The following CELF3 variants were observed in gnomAD, a reference collection of about 807,000 sequenced individuals.
The protein encoded by CELF3 is CAG repeat domain.
Under a neutral mutation model 59.6 loss-of-function variants are expected in CELF3, and 26 were observed. That is an observed-to-expected ratio of 0.44 (90% CI 0.32 to 0.61). The LOEUF (loss-of-function observed/expected upper bound fraction) is 0.61, where lower values mean the gene tolerates loss of function less well. Ranked by LOEUF, CELF3 falls within the 20% of genes least tolerant of loss-of-function variation. The pLI, the probability that CELF3 is intolerant of heterozygous loss-of-function variation, is 0.06. For synonymous variants in CELF3, 245 were observed against 250.7 expected (o/e 0.98, Z 0.22); for missense variants, 387 against 627.2 (o/e 0.62, Z 4.09).
At position 151,700,951 on chromosome 1, in the gene CELF3, T is replaced by C. The variant is rs1268286316; in HGVS notation, c.*2508A>G. The C allele has an allele frequency of 6.6e-6, 1 of 152,210 alleles. No individual in the cohort carries two copies. Among genetic ancestry groups the C allele is most frequent in the Non-Finnish European group, 1.5e-5 (1 of 68,040 alleles). The allele number at this position is 152,210 out of a possible 1,614,324, so 9.4% of individuals were successfully genotyped here. A position where few individuals can be genotyped will look rare whatever the true frequency, so the allele number is the denominator to read the frequency against. On this transcript the variant is annotated 3_prime_UTR_variant, in exon 13 of 13. Coordinates refer to ENST00000290583, the MANE Select transcript of CELF3 (RefSeq NM_007185.7). ...AATGTCTAATATTTGGGGCACTGTT[T>C]AGGGTGACCAGGATACAGTGCTGGA...
At chr1:151,713,951 C>G (rs918207074) in intron 2 of CELF3, among the ~76,000 whole-genome samples, 1 of 152,198 alleles carries the variant, frequency 6.6e-6, no homozygotes, top group African/African-American at 2.4e-5. Flanking sequence ...CTGGGCATAC[C>G]TGGTGGCATC....
chr1:151,707,488 G>GGCCTTGCCCA lies in CELF3; in HGVS notation c.772+9_772+18dup. ...CCTACCATGCTTAGCTCCCTTGCCCGGCCTTGCCCAGGCCATACCTGAGGA... is the reference window on the plus strand; with the variant it reads ...CCTACCATGCTTAGCTCCCTTGCCCGGCCTTGCCCAGCCTTGCCCAGGCCATACCTGAGGA... On this transcript the variant is annotated intron_variant, in intron 7 of 12. Transcript: ENST00000290583. 6.2e-7 allele frequency: 1 copy of GGCCTTGCCCA among 1,609,720 alleles called. No individual in the cohort carries two copies. The highest frequency in any genetic ancestry group is 2.2e-5 in the East Asian group (1 of 44,846).
chr1:151,704,548 AG>A (rs1273735423), intron 12 of CELF3, among the ~76,000 whole-genome samples: 1 of 152,158 alleles, frequency 6.6e-6, no homozygotes, highest in African/African-American at 2.4e-5. Flanking sequence ...CCTGAAGTCC[AG>A]GGAAACCAGG....
intron 1 of CELF3, 55 bp from the exon 2 acceptor site, chr1:151,714,731 C>A: frequency 8.0e-7 from 1 of 1,254,984 alleles, no homozygotes; most frequent in South Asian, 1.3e-5. Context: ...TCCATCTCCC[C>A]TCTCTGAAAG....
intron 2 of CELF3, among the ~76,000 whole-genome samples, chr1:151,712,918 C>T (rs1050712756): frequency 6.6e-6 from 1 of 151,388 alleles, no homozygotes; most frequent in African/African-American, 2.5e-5. Context: ...CACACACACT[C>T]ATGCATGCAC....
intron 5 of CELF3, chr1:151,708,446 A>C: frequency 5.6e-6 from 1 of 177,860 alleles, no homozygotes; most frequent in Non-Finnish European, 1.2e-5. Context: ...TGGAAGGGGC[A>C]TAGGGTCATT....
chr1:151,703,580 C>T, intron 12 of CELF3, 132 bp from the exon 13 acceptor site: 1 of 306,336 alleles, frequency 3.3e-6, no homozygotes, highest in Non-Finnish European at 6.6e-6. Context: ...GGCAGATCAT[C>T]AGGCCTCAGT....
rs1672193487 is a variant in CELF3 at position 151,702,993 on chromosome 1, G to T, written c.*466C>A. On this transcript the variant is annotated 3_prime_UTR_variant, in exon 13 of 13. Coordinates refer to ENST00000290583, the MANE Select transcript of CELF3 (RefSeq NM_007185.7). Reference sequence around the variant, plus strand: ...TACCTCTAGCTGAGGGTGGAGGGGAGTGAGAGCCAGCTTCCAAGAAACCCC... The same window carrying T: ...TACCTCTAGCTGAGGGTGGAGGGGATTGAGAGCCAGCTTCCAAGAAACCCC... 5.7e-6 allele frequency: 2 copies of T among 353,562 alleles called. No homozygotes were observed. The highest frequency in any genetic ancestry group is 4.2e-5 in the South Asian group (2 of 47,660). 21.9% of individuals were successfully genotyped at this position (353,562 alleles called of 1,614,324 possible).
intron 1 of CELF3, among the ~76,000 whole-genome samples, chr1:151,715,241 T>G (rs1673378789): frequency 6.6e-6 from 1 of 151,978 alleles, no homozygotes; most frequent in Non-Finnish European, 1.5e-5. Flanking sequence ...GCTCTCCAAG[T>G]GCTGACCCTG....
In CELF3 at chr1:151,705,512, T is replaced by C. The variant is rs1672432455; in HGVS notation, c.1270+310A>G. On this transcript the variant is annotated intron_variant, in intron 11 of 12. Transcript: ENST00000290583. This position sits in a 1 kb window ranked among gnomAD's most constrained non-coding sequence, Gnocchi z 5.1. Reference sequence around the variant, plus strand: ...CTCCCCTGAGGAAGACTTTCAAAGATGTGAAGGCAGCTAAAACCGACTCCC... The same window carrying C: ...CTCCCCTGAGGAAGACTTTCAAAGACGTGAAGGCAGCTAAAACCGACTCCC... Among the ~76,000 whole-genome samples, 2 of 152,154 alleles carry C rather than the reference T, an allele frequency of 1.3e-5. No individual in the cohort carries two copies. The highest frequency in any genetic ancestry group is 1.5e-5 in the Non-Finnish European group (1 of 68,034).
chr1:151,715,268 C>T (rs1218084839), intron 1 of CELF3, among the ~76,000 whole-genome samples: 2 of 152,042 alleles, frequency 1.3e-5, no homozygotes, highest in Non-Finnish European at 2.9e-5. Context: ...CCCACTTAGC[C>T]GCACAGCCCT....
At position 151,714,776 on chromosome 1, in the gene CELF3, C is replaced by T. The variant is rs1361643429; in HGVS notation, c.146-100G>A. 9 of 843,870 alleles carry T rather than the reference C, an allele frequency of 1.1e-5. 1 individual carries two copies. The highest frequency in any genetic ancestry group is 7.9e-5 in the South Asian group (5 of 63,480). 52.3% of individuals were successfully genotyped at this position (843,870 alleles called of 1,614,324 possible). On this transcript the variant is annotated intron_variant, in intron 1 of 12. Coordinates refer to ENST00000290583, the MANE Select transcript of CELF3 (RefSeq NM_007185.7). ...CAAAGACTGACGACTGGGAAGCTTTCCCTTCTTGTCATCTTCTGCCTGCTG... is the reference window on the plus strand; with the variant it reads ...CAAAGACTGACGACTGGGAAGCTTTTCCTTCTTGTCATCTTCTGCCTGCTG...
In CELF3 at chr1:151,700,458, A is replaced by G. The variant is rs1672001903; in HGVS notation, c.*3001T>C. Among the ~76,000 whole-genome samples, 1 of 152,232 alleles carries G rather than the reference A, an allele frequency of 6.6e-6. No individual in the cohort carries two copies. Among genetic ancestry groups the G allele is most frequent in the African/African-American group, 2.4e-5 (1 of 41,458 alleles). Reference sequence around the variant, plus strand: ...AGGGACCAAACTTGCCTAGAGAACAATGAATAGTTCTATTTGGGTATGTGT... The same window carrying G: ...AGGGACCAAACTTGCCTAGAGAACAGTGAATAGTTCTATTTGGGTATGTGT... On this transcript the variant is annotated 3_prime_UTR_variant, in exon 13 of 13. Coordinates refer to ENST00000290583, the MANE Select transcript of CELF3 (RefSeq NM_007185.7).
Position 151,709,190 on chromosome 1 carries a change from C to A in CELF3, c.406+30G>T. ...GGGTGGAACAGGAAGGGGAAGGGCC[C>A]GGTGGGGAAGGGGGAAGTGGGTGGA... On this transcript the variant is annotated intron_variant, in intron 4 of 12. Transcript: ENST00000290583. This position sits in a 1 kb window ranked among gnomAD's most constrained non-coding sequence, Gnocchi z 4.9. 1 of 1,610,684 alleles carries A rather than the reference C, an allele frequency of 6.2e-7. No homozygotes were observed. Among genetic ancestry groups the A allele is most frequent in the South Asian group, 1.1e-5 (1 of 90,944 alleles).
In CELF3 at chr1:151,709,748, C is replaced by T. The variant is rs1455882261; in HGVS notation, c.272G>A (p.Arg91Gln). Residue 91 changes from arginine (R) to glutamine (Q), a missense_variant, in exon 3 of 13, where the codon CGA becomes CAA. Transcript: ENST00000290583. The surrounding 1 kb of genome is among the most constrained non-coding windows in gnomAD (Gnocchi z 4.9). The stretch of plus-strand genomic sequence containing the variant: ...TCCAAAGGCACAGAACCTACCTCCT[C>T]GGCTCTCGCTGTCGGCTGGCTTGAC... ...IQVKPADSES[R>Q]GEDRKLFVGM... is the part of the protein sequence containing the mutation. 8.1e-6 allele frequency: 13 copies of T among 1,613,996 alleles called. No individual in the cohort carries two copies. The highest frequency in any genetic ancestry group is 3.3e-5 in the South Asian group (3 of 91,078).
intron 5 of CELF3, 94 bp from the exon 6 acceptor site, chr1:151,708,029 C>T (rs1188522340): frequency 5.6e-6 from 8 of 1,422,380 alleles, no homozygotes; most frequent in Non-Finnish European, 6.6e-6. Context: ...ACCCCCATGG[C>T]ATGGCTTGGC....
Position 151,709,844 on chromosome 1 carries a change from A to C in CELF3, c.229-53T>G. On this transcript the variant is annotated intron_variant, in intron 2 of 12. Transcript: ENST00000290583. This position sits in a 1 kb window ranked among gnomAD's most constrained non-coding sequence, Gnocchi z 4.9. ...TGGGGACCTCCTCTGAACACCCAAG[A>C]GCCCTCCCAGGCCAGGCCCTGCAGA... is the stretch of plus-strand genomic sequence containing the variant. 1 of 1,568,378 alleles carries C rather than the reference A, an allele frequency of 6.4e-7. No individual in the cohort carries two copies. Among genetic ancestry groups the C allele is most frequent in the Admixed American group, 1.7e-5 (1 of 59,974 alleles).
In CELF3 at chr1:151,706,318, C is replaced by T. The variant is rs764410071; in HGVS notation, c.1032G>A (p.Pro344=). The T allele has an allele frequency of 8.4e-6, 13 of 1,554,612 alleles. No individual in the cohort carries two copies. The highest frequency in any genetic ancestry group is 1.4e-5 in the African/African-American group (1 of 73,218). Residue 344 remains proline (P), a synonymous_variant, in exon 10 of 13, where the codon CCG becomes CCA. Transcript: ENST00000290583. ...GCTGGGCGACCAGGGCTGGAGGCTG[C>T]GGGAACGCAGGTGCAACCAGGCTGT... ...AAYSLVAPAF[P]QPPALVAQQP... is the part of the protein sequence containing the mutation.
At chr1:151,715,597 T>A in intron 1 of CELF3, 1 of 1,425,178 alleles carries the variant, frequency 7.0e-7, no homozygotes, top group Non-Finnish European at 9.3e-7. Context: ...TTTCTTGAGT[T>A]CATCCCATGA....
Sources: gnomAD v4.1 joint callset for allele counts (sites outside exome capture counted in the v4.1 genomes callset) on GRCh38, gnomAD v4.1.1 for gene constraint, Gnocchi (gnomAD v3.1) non-coding constraint, MANE v1.5 for transcripts, NCBI Gene and HGNC (gene_info 2026-07-23, HGNC 2026-07-21) for gene names.